The following NRG3 variants were observed in gnomAD, a reference collection of about 807,000 sequenced individuals.
The protein encoded by NRG3 is pro-neuregulin-3, membrane-bound isoform.
NRG3 carries 31 observed loss-of-function variants against 66.9 expected under a neutral mutation model. The ratio of observed to expected loss-of-function variants is 0.46; its 90% CI spans 0.35 to 0.63. The LOEUF is 0.63. NRG3 is among the 20% of genes least tolerant of loss of function. The probability of loss-of-function intolerance (pLI) is 0.00; values close to 1 mark genes in which losing one functional copy is unlikely to be tolerated. For synonymous variants in NRG3, 393 were observed against 359.4 expected (o/e 1.09, Z -1.06); for missense variants, 910 against 878.9 (o/e 1.04, Z -0.45).
intron 1 of NRG3, among the ~76,000 whole-genome samples, chr10:82,007,358 C>T (rs898063390): frequency 2.6e-5 from 4 of 151,650 alleles, no homozygotes; most frequent in Admixed American, 6.6e-5. Flanking sequence ...TACAGGCGCA[C>T]GCCACCATGC....
intron 3 of NRG3, among the ~76,000 whole-genome samples, chr10:82,745,953 A>G (rs925031544): frequency 6.6e-5 from 10 of 152,074 alleles, no homozygotes; most frequent in East Asian, 3.9e-4. Context: ...GTGCAATGGC[A>G]TGATCTTGGC....
chr10:82,069,068 A>T (rs539340276), intron 1 of NRG3, among the ~76,000 whole-genome samples: 132 of 152,324 alleles, frequency 8.7e-4, no homozygotes, highest in African/African-American at 3.0e-3. Flanking sequence ...AGAATTTATA[A>T]TCCTGGAATG....
At chr10:82,293,217 TAAGTC>T (rs1232024851) in intron 1 of NRG3, among the ~76,000 whole-genome samples, 1 of 152,154 alleles carries the variant, frequency 6.6e-6, no homozygotes, top group South Asian at 2.1e-4. Flanking sequence ...AATTTTTTGT[TAAGTC>T]AAGAAGATCT....
At chr10:82,758,735 T>C (rs2059179175) in intron 3 of NRG3, among the ~76,000 whole-genome samples, 1 of 151,984 alleles carries the variant, frequency 6.6e-6, no homozygotes. Context: ...AGTGGTCAAA[T>C]GAATGGAACA....
At chr10:82,381,284 CTTT>C (rs2085601101) in intron 2 of NRG3, among the ~76,000 whole-genome samples, 1 of 152,060 alleles carries the variant, frequency 6.6e-6, no homozygotes, top group African/African-American at 2.4e-5. Flanking sequence ...TAAAGATCTT[CTTT>C]AAGAATGGAA....
At chr10:82,951,688 C>T (rs1318975096) in intron 5 of NRG3, 117 bp downstream of exon 5, 1 of 808,010 alleles carries the variant, frequency 1.2e-6, no homozygotes, top group African/African-American at 1.7e-5. Flanking sequence ...GGTCTAGCAA[C>T]AATCTGCAAG....
intron 2 of NRG3, among the ~76,000 whole-genome samples, chr10:82,699,248 G>A (rs1180417869): frequency 1.6e-5 from 2 of 127,104 alleles, no homozygotes; most frequent in East Asian, 4.3e-4. Context: ...AAGAAGGAAA[G>A]AGGGAAGGAA....
chr10:82,956,104 C>T (rs974657526), intron 5 of NRG3, among the ~76,000 whole-genome samples: 16 of 151,910 alleles, frequency 1.1e-4, no homozygotes, highest in Admixed American at 5.9e-4. Context: ...GTCTTTATCC[C>T]AGGGTCTGCC....
At chr10:81,877,753 T>A in intron 1 of NRG3, 1 of 1,353,938 alleles carries the variant, frequency 7.4e-7, no homozygotes, top group Middle Eastern at 2.8e-4. Flanking sequence ...ACTTGCTGCT[T>A]CTCTCTCCTT....
chr10:82,613,995 C>T (rs183997083), intron 2 of NRG3, among the ~76,000 whole-genome samples: 17 of 151,982 alleles, frequency 1.1e-4, no homozygotes, highest in Admixed American at 3.3e-4. Flanking sequence ...CTCTGCCTTC[C>T]GGGTTCAAGC....
intron 2 of NRG3, among the ~76,000 whole-genome samples, chr10:82,623,223 T>G (rs2049164345): frequency 6.6e-6 from 1 of 152,166 alleles, no homozygotes; most frequent in African/African-American, 2.4e-5. Context: ...CGTTTTAAAC[T>G]TCGGGAGTAG....
In NRG3 at chr10:82,830,928, G is replaced by A. The variant is rs74617140; in HGVS notation, c.1028-34483G>A. 1.0e-3 allele frequency among the ~76,000 whole-genome samples: 152 copies of A among 152,272 alleles called. 3 individuals carry two copies. In the East Asian group the frequency reaches 0.019, roughly 19 times the overall value. ...GATTTACAAATAGGCAGGTCCCTGGGCTGATACAGAACATGCAATGCTGAT... is the reference window on the plus strand; with the variant it reads ...GATTTACAAATAGGCAGGTCCCTGGACTGATACAGAACATGCAATGCTGAT... On this transcript the variant is annotated intron_variant, in intron 3 of 8. Coordinates refer to ENST00000372141, the MANE Select transcript of NRG3 (RefSeq NM_001010848.4).
intron 2 of NRG3, among the ~76,000 whole-genome samples, chr10:82,706,434 C>T (rs966247915): frequency 6.6e-6 from 1 of 152,094 alleles, no homozygotes; most frequent in Non-Finnish European, 1.5e-5. Flanking sequence ...TACTTCAAAT[C>T]TTACTATATT....
chr10:82,037,012 C>T (rs11192241), intron 1 of NRG3, among the ~76,000 whole-genome samples: 26,427 of 152,108 alleles, frequency 0.17, 2,539 homozygotes, highest in Middle Eastern at 0.24. Context: ...TTTATAATCA[C>T]CAACATAGTT....
chr10:82,715,227 G>C (rs974651856), intron 2 of NRG3, among the ~76,000 whole-genome samples: 4 of 152,024 alleles, frequency 2.6e-5, no homozygotes, highest in Admixed American at 1.3e-4. Flanking sequence ...AAACCCCATC[G>C]CTACCAAAAA....
chr10:82,587,962 T>A (rs950775910), intron 2 of NRG3, among the ~76,000 whole-genome samples: 1 of 152,306 alleles, frequency 6.6e-6, no homozygotes, highest in Admixed American at 6.5e-5. Flanking sequence ...GCTACATAAT[T>A]TTACAAGTCA....
chr10:82,956,028 A>G (rs930233599), intron 5 of NRG3, among the ~76,000 whole-genome samples: 17 of 151,742 alleles, frequency 1.1e-4, no homozygotes, highest in African/African-American at 4.1e-4. Flanking sequence ...TTCTGCTTCC[A>G]TTTCTTCCCT....
chr10:81,875,272 C>T lies in NRG3; in HGVS notation c.-69C>T, dbSNP rs1445842043. The T allele has an allele frequency of 3.1e-6, 3 of 968,296 alleles. No homozygotes were observed. The highest frequency in any genetic ancestry group is 3.6e-5 in the African/African-American group (2 of 56,318). 60.0% of individuals were successfully genotyped at this position (968,296 alleles called of 1,614,324 possible). A position where few individuals can be genotyped will look rare whatever the true frequency, so the allele number is the denominator to read the frequency against. The stretch of plus-strand genomic sequence containing the variant: ...GCCGGAGCCCGCGCCCGCGCCCGCG[C>T]CCGGCCCGCGCGGCCCCATGCCTCT... On this transcript the variant is annotated 5_prime_UTR_variant, in exon 1 of 9. Coordinates refer to ENST00000372141, the MANE Select transcript of NRG3 (RefSeq NM_001010848.4). The surrounding 1 kb of genome is among the most constrained non-coding windows in gnomAD (Gnocchi z 5.3).
intron 1 of NRG3, among the ~76,000 whole-genome samples, chr10:82,062,991 C>A (rs2064245402): frequency 6.6e-6 from 1 of 152,172 alleles, no homozygotes; most frequent in Non-Finnish European, 1.5e-5. Flanking sequence ...GCCCACCCCA[C>A]CAACTTGATA....
Sources: allele counts gnomAD v4.1 joint callset (sites outside exome capture counted in the v4.1 genomes callset), GRCh38; gene constraint gnomAD v4.1.1; non-coding constraint Gnocchi (gnomAD v3.1); transcripts MANE v1.5; gene names NCBI Gene and HGNC (gene_info 2026-07-23, HGNC 2026-07-21).